RALYL: variants seen among roughly 807,000 people sequenced by gnomAD.
The protein encoded by RALYL is RNA-binding Raly-like protein.
In RALYL, 29 loss-of-function variants were observed where a neutral mutation model predicts 35.1. That is an observed-to-expected ratio of 0.83 (90% CI 0.61 to 1.13). The LOEUF is 1.13. Ranked by LOEUF, RALYL falls within the 50% of genes most tolerant of loss-of-function variation. RALYL has a pLI of 0.00. For missense variants in RALYL, 359 were observed against 360.4 expected, an observed-to-expected ratio of 1.00 and a Z score of 0.03; for synonymous variants, 120 against 127.6, an observed-to-expected ratio of 0.94 and a Z score of 0.40.
At chr8:84,328,825 T>C (rs918981399) in intron 1 of RALYL, among the ~76,000 whole-genome samples, 2 of 152,160 alleles carry the variant, frequency 1.3e-5, no homozygotes, top group Non-Finnish European at 2.9e-5. Context: ...ATGCCCAGTG[T>C]TTAGGTCCTA....
rs549150858 is a variant in RALYL, at chr8:84,589,772, G to A, written c.256+60195G>A. Among the ~76,000 whole-genome samples, 15 of 152,222 alleles carry A rather than the reference G, an allele frequency of 9.9e-5. No individual in the cohort carries two copies. In the East Asian group the frequency reaches 1.9e-3, roughly 20 times the overall value. ...ATTTTAAGAGAAGAGCAATAAGAAC[G>A]CTAAAAGGGGAAAAGAAACATATGA... On this transcript the variant is annotated intron_variant, in intron 2 of 8. Transcript: ENST00000521268.
At chr8:84,791,398 A>G (rs1335730308) in intron 3 of RALYL, among the ~76,000 whole-genome samples, 1 of 152,156 alleles carries the variant, frequency 6.6e-6, no homozygotes, top group Non-Finnish European at 1.5e-5. Flanking sequence ...GAGAGGAATA[A>G]TGGCAGAGAT....
At chr8:84,660,744 A>G (rs1830745978) in intron 2 of RALYL, among the ~76,000 whole-genome samples, 2 of 152,068 alleles carry the variant, frequency 1.3e-5, no homozygotes, top group South Asian at 4.1e-4. Flanking sequence ...GTTATATATT[A>G]TGTGTAAATG....
chr8:84,226,925 G>A (rs1256478413), intron 1 of RALYL, among the ~76,000 whole-genome samples: 2 of 152,034 alleles, frequency 1.3e-5, no homozygotes, highest in African/African-American at 4.8e-5. Context: ...TGTGTTATTA[G>A]TGAATTAATG....
rs570040292 is a variant in RALYL, at chr8:84,687,836, T to A, written c.257-86743T>A. Among the ~76,000 whole-genome samples the A allele has an allele frequency of 2.0e-5, 3 of 152,224 alleles. No individual in the cohort carries two copies. The East Asian group carries it at 5.8e-4, about 29-fold the overall frequency. Reference sequence around the variant, plus strand: ...ATTGAAATTGCTGAGATTGTTAATGTAATGACTGTTATAATGCAAGCTCTG... The same window carrying A: ...ATTGAAATTGCTGAGATTGTTAATGAAATGACTGTTATAATGCAAGCTCTG... On this transcript the variant is annotated intron_variant, in intron 2 of 8. Transcript: ENST00000521268.
intron 4 of RALYL, among the ~76,000 whole-genome samples, chr8:84,826,817 T>C (rs1829830082): frequency 6.6e-6 from 1 of 151,978 alleles, no homozygotes. Context: ...GCCAGGTTTT[T>C]GATGCCTTGC....
intron 1 of RALYL, among the ~76,000 whole-genome samples, chr8:84,434,801 T>A (rs1587226664): frequency 6.6e-6 from 1 of 152,236 alleles, no homozygotes; most frequent in East Asian, 1.9e-4. Context: ...CACACCACCA[T>A]GTCTGGCAAA....
intron 1 of RALYL, among the ~76,000 whole-genome samples, chr8:84,302,707 A>G (rs1841044606): frequency 6.6e-6 from 1 of 152,196 alleles, no homozygotes; most frequent in African/African-American, 2.4e-5. Flanking sequence ...ATACCTGCGC[A>G]GCATTTTGGA....
At chr8:84,675,801 G>A (rs1268492458) in intron 2 of RALYL, among the ~76,000 whole-genome samples, 2 of 152,034 alleles carry the variant, frequency 1.3e-5, no homozygotes, top group African/African-American at 2.4e-5. Context: ...TATTATTCAG[G>A]TGATGGGTGC....
intron 1 of RALYL, among the ~76,000 whole-genome samples, chr8:84,451,425 C>T (rs542527613): frequency 1.3e-5 from 2 of 152,018 alleles, no homozygotes; most frequent in South Asian, 2.1e-4. Flanking sequence ...CCAAAGACAA[C>T]ATTGATCAAT....
At chr8:84,643,831 A>G (rs1826908938) in intron 2 of RALYL, among the ~76,000 whole-genome samples, 2 of 152,188 alleles carry the variant, frequency 1.3e-5, no homozygotes, top group South Asian at 4.1e-4. Context: ...AATGGGAGGC[A>G]TGTGGGAAGG....
intron 7 of RALYL, among the ~76,000 whole-genome samples, chr8:84,880,855 A>G (rs1438222129): frequency 6.6e-6 from 1 of 151,926 alleles, no homozygotes; most frequent in Non-Finnish European, 1.5e-5. Flanking sequence ...ACAGATTTAC[A>G]TTATCTAAGG....
At chr8:84,416,567 C>G (rs1031137629) in intron 1 of RALYL, among the ~76,000 whole-genome samples, 2 of 151,398 alleles carry the variant, frequency 1.3e-5, no homozygotes, top group Admixed American at 6.6e-5. Flanking sequence ...GTATTTGAAA[C>G]CTTTTTTTTT....
Position 84,850,010 on chromosome 8 carries a change from A to G in RALYL, c.396A>G (p.Arg132=), listed in dbSNP as rs895430544. 2.0e-6 allele frequency: 3 copies of G among 1,485,494 alleles called. No individual in the cohort carries two copies. The highest frequency in any genetic ancestry group is 4.8e-5 in the Admixed American group (2 of 41,290). The allele number at this position is 1,485,494 out of a possible 1,614,324, so 92.0% of individuals were successfully genotyped here. Residue 132 remains arginine, a synonymous_variant, in exon 5 of 9, where the codon AGA becomes AGG. Coordinates refer to ENST00000521268, the MANE Select transcript of RALYL (RefSeq NM_173848.7). ...ATGTCTTTGACTATGATTACTACAG[A>G]GATGATTTCTACAATCGGTATGTGA... The part of the protein sequence containing the change: ...GGYVFDYDYY[R]DDFYNRLFDY...
intron 1 of RALYL, among the ~76,000 whole-genome samples, chr8:84,384,569 T>C (rs544273973): frequency 5.0e-4 from 76 of 151,946 alleles, no homozygotes; most frequent in African/African-American, 1.7e-3. Flanking sequence ...CCTATCTCTT[T>C]CATTTCATAG....
chr8:84,648,066 G>A (rs948941380), intron 2 of RALYL, among the ~76,000 whole-genome samples: 3 of 152,074 alleles, frequency 2.0e-5, no homozygotes, highest in Non-Finnish European at 4.4e-5. Flanking sequence ...AGAATATTGT[G>A]TTAGGGACTC....
At position 84,834,858 on chromosome 8, in the gene RALYL, G is replaced by A. The variant is rs760155703; in HGVS notation, c.366-15122G>A. ...AAAGTTCCACAGATGTGTAACATTC[G>A]ATTTAAAAAAATATCTTTGGGTGAC... On this transcript the variant is annotated intron_variant, in intron 4 of 8. Transcript: ENST00000521268. Among the ~76,000 whole-genome samples, 10 of 151,994 alleles carry A rather than the reference G, an allele frequency of 6.6e-5. 1 individual carries two copies. The highest frequency in any genetic ancestry group is 1.0e-4 in the Non-Finnish European group (7 of 68,008).
intron 1 of RALYL, among the ~76,000 whole-genome samples, chr8:84,498,756 C>T (rs939958946): frequency 7.2e-5 from 11 of 152,084 alleles, no homozygotes; most frequent in African/African-American, 2.7e-4. Flanking sequence ...CAACAGATGA[C>T]TCTTATATAT....
chr8:84,721,843 A>G (rs573656180), intron 2 of RALYL, among the ~76,000 whole-genome samples: 5 of 152,284 alleles, frequency 3.3e-5, no homozygotes, highest in African/African-American at 1.2e-4. Context: ...TAGAATGGTC[A>G]TATAACATAA....
Sources: gnomAD v4.1 joint callset for allele counts (sites outside exome capture counted in the v4.1 genomes callset) on GRCh38, gnomAD v4.1.1 for gene constraint, MANE v1.5 for transcripts, NCBI Gene and HGNC (gene_info 2026-07-23, HGNC 2026-07-21) for gene names.